LCORL: variants seen among roughly 807,000 people sequenced by gnomAD.
LCORL encodes ligand-dependent nuclear receptor corepressor-like protein.
LCORL carries 41 observed loss-of-function variants against 141.8 expected under a neutral mutation model. The observed-to-expected ratio is 0.29, with a 90% confidence interval of 0.23 to 0.38. The LOEUF is 0.38. LCORL is among the 10% of genes least tolerant of loss of function. The pLI, the probability that LCORL is intolerant of heterozygous loss-of-function variation, is 1.00. For missense variants in LCORL, 1,759 were observed against 2,035.0 expected, an observed-to-expected ratio of 0.86 and a Z score of 2.61; for synonymous variants, 618 against 694.1, an observed-to-expected ratio of 0.89 and a Z score of 1.72.
chr4:18,012,346 G>C (rs1489540512), intron 1 of LCORL, among the ~76,000 whole-genome samples: 1 of 152,170 alleles, frequency 6.6e-6, no homozygotes, highest in Non-Finnish European at 1.5e-5. Context: ...GTCTTTGATA[G>C]GCTGATAAGT....
intron 7 of LCORL, among the ~76,000 whole-genome samples, chr4:17,849,724 T>C (rs952071639): frequency 9.2e-5 from 14 of 152,216 alleles, no homozygotes; most frequent in Non-Finnish European, 2.1e-4. Context: ...TTTATAGATT[T>C]AATGCCATCC....
chr4:17,892,515 T>G (rs1242647156), intron 5 of LCORL, among the ~76,000 whole-genome samples: 1 of 152,166 alleles, frequency 6.6e-6, no homozygotes, highest in Non-Finnish European at 1.5e-5. Context: ...CGGGCTCAAA[T>G]AGTTTTTTAA....
intron 4 of LCORL, among the ~76,000 whole-genome samples, chr4:17,915,832 CAAGG>C (rs1419322905): frequency 6.6e-6 from 1 of 152,110 alleles, no homozygotes; most frequent in Non-Finnish European, 1.5e-5. Context: ...GAGATAAAAT[CAAGG>C]AAGAACTGTG....
chr4:17,992,846 A>G (rs1049292426), intron 1 of LCORL, among the ~76,000 whole-genome samples: 20 of 152,232 alleles, frequency 1.3e-4, no homozygotes, highest in African/African-American at 4.6e-4. Flanking sequence ...AAATCTTTAT[A>G]CTTTGTTAGA....
chr4:17,946,465 A>G (rs1738896281), intron 4 of LCORL, among the ~76,000 whole-genome samples: 3 of 152,030 alleles, frequency 2.0e-5, no homozygotes, highest in Admixed American at 2.0e-4. Context: ...GCAAGTATGT[A>G]TCCCATGTTG....
chr4:17,881,711 G>A (rs1188006516), intron 6 of LCORL: 44 of 943,328 alleles, frequency 4.7e-5, no homozygotes, highest in Admixed American at 6.2e-5. Context: ...AATATAGTGT[G>A]AGGAATAAAA....
At chr4:17,862,171 A>G (rs1725089564) in intron 7 of LCORL, among the ~76,000 whole-genome samples, 1 of 152,202 alleles carries the variant, frequency 6.6e-6, no homozygotes, top group Admixed American at 6.5e-5. Context: ...GTAAAGACAT[A>G]CCTGAGACTG....
intron 1 of LCORL, among the ~76,000 whole-genome samples, chr4:18,005,548 G>C (rs1021868761): frequency 6.6e-6 from 1 of 152,202 alleles, no homozygotes; most frequent in Admixed American, 6.5e-5. Flanking sequence ...TTCTCCATGA[G>C]AGCCCAGCCC....
chr4:18,010,667 G>A (rs1237999864), intron 1 of LCORL, among the ~76,000 whole-genome samples: 2 of 152,070 alleles, frequency 1.3e-5, no homozygotes, highest in African/African-American at 4.8e-5. Context: ...GGCCAGGCTG[G>A]TCTTGAGCTC....
chr4:17,881,099 AAAC>A (rs1727509508), intron 6 of LCORL: 1 of 983,004 alleles, frequency 1.0e-6, no homozygotes. Context: ...GAAATGGTTT[AAAC>A]AACTTTACTG....
chr4:17,882,542 T>C (rs924067112), intron 6 of LCORL: 2 of 984,340 alleles, frequency 2.0e-6, no homozygotes, highest in Non-Finnish European at 2.4e-6. Context: ...TAGTAGAGAG[T>C]TTACATTACT....
chr4:17,923,664 A>C (rs1056203276), intron 4 of LCORL, among the ~76,000 whole-genome samples: 14 of 148,592 alleles, frequency 9.4e-5, no homozygotes, highest in South Asian at 2.2e-4. Flanking sequence ...ACCCTCCCCC[A>C]AAAAAAGATG....
chr4:17,930,637 GAATA>G (rs1375656794), intron 4 of LCORL, among the ~76,000 whole-genome samples: 4 of 152,080 alleles, frequency 2.6e-5, no homozygotes, highest in Non-Finnish European at 5.9e-5. Context: ...TGCATTAATG[GAATA>G]AATGTCATGA....
intron 5 of LCORL, among the ~76,000 whole-genome samples, chr4:17,888,123 T>C (rs1400759626): frequency 1.3e-5 from 2 of 152,076 alleles, no homozygotes; most frequent in East Asian, 3.9e-4. Flanking sequence ...CCATGCATAT[T>C]TTATTCATCA....
At chr4:17,871,665 T>C (rs1251117077) in intron 7 of LCORL, among the ~76,000 whole-genome samples, 2 of 151,970 alleles carry the variant, frequency 1.3e-5, no homozygotes, top group African/African-American at 4.8e-5. Flanking sequence ...CATTTTATTC[T>C]CCATTCATGA....
At chr4:17,870,144 T>C (rs1286436350) in intron 7 of LCORL, among the ~76,000 whole-genome samples, 3 of 152,164 alleles carry the variant, frequency 2.0e-5, no homozygotes, top group Non-Finnish European at 4.4e-5. Context: ...ATTCCACATA[T>C]GCTTGCTCTT....
chr4:17,997,794 G>C (rs1721144302), intron 1 of LCORL, among the ~76,000 whole-genome samples: 1 of 151,472 alleles, frequency 6.6e-6, no homozygotes, highest in African/African-American at 2.4e-5. Context: ...TGTTAGTAAT[G>C]GACACAATGG....
At chr4:17,942,352 A>G (rs1362117073) in intron 4 of LCORL, among the ~76,000 whole-genome samples, 1 of 152,172 alleles carries the variant, frequency 6.6e-6, no homozygotes, top group East Asian at 1.9e-4. Context: ...CAAAGCAAGC[A>G]GAAAGGTAAA....
chr4:17,991,290 T>C (rs898978170), intron 1 of LCORL, among the ~76,000 whole-genome samples: 3 of 152,220 alleles, frequency 2.0e-5, no homozygotes, highest in Non-Finnish European at 2.9e-5. Flanking sequence ...TTCTTCTCCA[T>C]CCCTTCTTCT....
Sources: allele counts gnomAD v4.1 joint callset (sites outside exome capture counted in the v4.1 genomes callset), GRCh38; gene constraint gnomAD v4.1.1; transcripts MANE v1.5; gene names NCBI Gene and HGNC (gene_info 2026-07-23, HGNC 2026-07-21).